KIF13A: variants seen among roughly 807,000 people sequenced by gnomAD.
KIF13A encodes kinesin family member 13A.
In KIF13A, 79 loss-of-function variants were observed where a neutral mutation model predicts 212.2. The observed-to-expected ratio is 0.37, with a 90% confidence interval of 0.31 to 0.45. The LOEUF is 0.45. KIF13A is among the 20% of genes least tolerant of loss of function. KIF13A has a pLI of 1.00. For missense variants in KIF13A, 1,901 were observed against 2,209.0 expected (o/e 0.86, Z 2.79); for synonymous variants, 789 against 808.6 (o/e 0.98, Z 0.41).
intron 2 of KIF13A, among the ~76,000 whole-genome samples, chr6:17,976,794 T>TC (rs1277692521): frequency 8.3e-6 from 1 of 120,760 alleles, no homozygotes; most frequent in African/African-American, 3.3e-5. Context: ...AGAGCAAGAC[T>TC]CCATCTCAAA....
chr6:17,950,412 C>G (rs1022659214), intron 2 of KIF13A: 13 of 973,120 alleles, frequency 1.3e-5, no homozygotes, highest in Middle Eastern at 5.2e-4. Context: ...CATGTGCTTT[C>G]AGAAAATGAT....
rs756696738 is a variant in KIF13A at position 17,773,524 on chromosome 6, T to C, written c.4278A>G (p.Ala1426=). ...AATCCCTGGGTAAAGTTCCATAACA[T>C]GCTACATCTTGGTAACTGGAGCTAT... ...SDYSSSYQDV[A]CYGTLPRDSP... The change falls in exon 36 of 39, where the codon GCA becomes GCG. Residue 1426 remains alanine, a synonymous_variant. Coordinates refer to ENST00000259711, the MANE Select transcript of KIF13A (RefSeq NM_022113.6). The surrounding 1 kb of genome is among the most constrained non-coding windows in gnomAD (Gnocchi z 4.2). 1.2e-6 allele frequency: 2 copies of C among 1,612,206 alleles called. No homozygotes were observed. The highest frequency in any genetic ancestry group is 3.3e-5 in the Admixed American group (2 of 59,996).
In KIF13A at chr6:17,764,617, TGTGGAGTGCTCG is replaced by T; in HGVS notation, c.4899_4910del (p.Glu1634_Thr1637del). ...GCCTGAAATCATGCACAAGCGATGG[TGTGGAGTGCTCG>T]GTGGAGTCTGCATCCTTCGTCTGAA... On this transcript the variant is annotated inframe_deletion, in exon 39 of 39. Coordinates refer to ENST00000259711, the MANE Select transcript of KIF13A (RefSeq NM_022113.6). This position sits in a 1 kb window ranked among gnomAD's most constrained non-coding sequence, Gnocchi z 5.1. 1 of 1,613,952 alleles carries T rather than the reference TGTGGAGTGCTCG, an allele frequency of 6.2e-7. No individual in the cohort carries two copies. Among genetic ancestry groups the T allele is most frequent in the Non-Finnish European group, 8.5e-7 (1 of 1,179,886 alleles).
At chr6:17,803,521 A>C (rs1375519646) in intron 20 of KIF13A, among the ~76,000 whole-genome samples, 1 of 152,214 alleles carries the variant, frequency 6.6e-6, no homozygotes, top group Non-Finnish European at 1.5e-5. Flanking sequence ...CTGGTAGTTC[A>C]ACGTACATTT....
chr6:17,859,620 T>TTTTATATATATA (rs1485260645), intron 4 of KIF13A, among the ~76,000 whole-genome samples: 1 of 131,556 alleles, frequency 7.6e-6, no homozygotes, highest in Admixed American at 7.5e-5. Flanking sequence ...GCAATGTATT[T>TTTTATATATATA]TATATATATA....
chr6:17,849,281 A>T lies in KIF13A; in HGVS notation c.830+96T>A. 1.2e-6 allele frequency: 1 copy of T among 801,866 alleles called. No individual in the cohort carries two copies. The allele number at this position is 801,866 out of a possible 1,614,324, so 49.7% of individuals were successfully genotyped here. ...AGTTTACTAAAGCTATACAGACTTTAAACAACCTGTACATCAGAACCATCT... is the reference window on the plus strand; with the variant it reads ...AGTTTACTAAAGCTATACAGACTTTTAACAACCTGTACATCAGAACCATCT... On this transcript the variant is annotated intron_variant, in intron 9 of 38. Transcript: ENST00000259711. This position sits in a 1 kb window ranked among gnomAD's most constrained non-coding sequence, Gnocchi z 5.7.
chr6:17,846,785 G>T (rs1458288714), intron 9 of KIF13A, among the ~76,000 whole-genome samples: 1 of 152,010 alleles, frequency 6.6e-6, no homozygotes, highest in Non-Finnish European at 1.5e-5. Flanking sequence ...CAAAATTAAG[G>T]GGGCACTATT....
In KIF13A at chr6:17,855,682, T is replaced by C. The variant is rs996112191; in HGVS notation, c.314-65A>G. On this transcript the variant is annotated intron_variant, in intron 5 of 38. Coordinates refer to ENST00000259711, the MANE Select transcript of KIF13A (RefSeq NM_022113.6). This position sits in a 1 kb window ranked among gnomAD's most constrained non-coding sequence, Gnocchi z 4.1. ...GGAGCAAAATGCAATGCTTCAACCA[T>C]ACAAGGTTTCCCCATATACTGGCCA... 1.2e-5 allele frequency: 16 copies of C among 1,309,236 alleles called. No individual in the cohort carries two copies. The highest frequency in any genetic ancestry group is 7.7e-5 in the Admixed American group (3 of 38,950). 81.1% of individuals were successfully genotyped at this position (1,309,236 alleles called of 1,614,324 possible). A position where few individuals can be genotyped will look rare whatever the true frequency, so the allele number is the denominator to read the frequency against.
At chr6:17,970,646 C>G (rs1482017005) in intron 2 of KIF13A, among the ~76,000 whole-genome samples, 1 of 152,158 alleles carries the variant, frequency 6.6e-6, no homozygotes, top group Non-Finnish European at 1.5e-5. Flanking sequence ...ACTTAAATAT[C>G]TGCGTCCTGG....
rs923128822 is a variant in KIF13A, at chr6:17,850,563, A to C, written c.583-106T>G. 5.9e-5 allele frequency: 68 copies of C among 1,156,976 alleles called. No individual in the cohort carries two copies. The highest frequency in any genetic ancestry group is 1.2e-6 in the Non-Finnish European group (1 of 852,866). The allele number at this position is 1,156,976 out of a possible 1,614,324, so 71.7% of individuals were successfully genotyped here. On this transcript the variant is annotated intron_variant, in intron 7 of 38. Coordinates refer to ENST00000259711, the MANE Select transcript of KIF13A (RefSeq NM_022113.6). This position sits in a 1 kb window ranked among gnomAD's most constrained non-coding sequence, Gnocchi z 6.2. The stretch of plus-strand genomic sequence containing the variant: ...TGATTCCTCTGATGCCTTTGTCACC[A>C]CCCTTCCATAGAAACCTCCCTGCCG...
intron 2 of KIF13A, among the ~76,000 whole-genome samples, chr6:17,908,949 G>C (rs1298233406): frequency 1.3e-5 from 2 of 152,138 alleles, no homozygotes; most frequent in Non-Finnish European, 2.9e-5. Context: ...GTTGACCTTG[G>C]ACAAGTTTAC....
intron 3 of KIF13A, among the ~76,000 whole-genome samples, chr6:17,889,929 G>A (rs140651360): frequency 1.2e-3 from 179 of 152,280 alleles, no homozygotes; most frequent in Admixed American, 1.8e-3. Context: ...CAGATCACCC[G>A]AGGTCGAGAG....
intron 2 of KIF13A, among the ~76,000 whole-genome samples, chr6:17,904,167 A>G (rs1488464682): frequency 6.6e-6 from 1 of 151,480 alleles, no homozygotes; most frequent in Non-Finnish European, 1.5e-5. Flanking sequence ...AAAAAAAATA[A>G]TAAAAATAAA....
At chr6:17,969,162 C>T (rs1208145114) in intron 2 of KIF13A, among the ~76,000 whole-genome samples, 2 of 152,192 alleles carry the variant, frequency 1.3e-5, no homozygotes, top group African/African-American at 2.4e-5. Context: ...ACAAATAAGA[C>T]AAGGGGCTCT....
intron 16 of KIF13A, among the ~76,000 whole-genome samples, chr6:17,822,817 G>C (rs1764581543): frequency 6.6e-6 from 1 of 152,148 alleles, no homozygotes; most frequent in African/African-American, 2.4e-5. Flanking sequence ...TGATTCTGAT[G>C]TCTGAACGTC....
In KIF13A at chr6:17,963,830, C is replaced by T. The variant is rs1166896933; in HGVS notation, c.146+23224G>A. On this transcript the variant is annotated intron_variant, in intron 2 of 38. Coordinates refer to ENST00000259711, the MANE Select transcript of KIF13A (RefSeq NM_022113.6). The surrounding 1 kb of genome is among the most constrained non-coding windows in gnomAD (Gnocchi z 4.1). Reference sequence around the variant, plus strand: ...TCAGCCTCCCAAAGTGTTGGGATTACGGGCGTGAGCCACCATGCCTGGCCA... The same window carrying T: ...TCAGCCTCCCAAAGTGTTGGGATTATGGGCGTGAGCCACCATGCCTGGCCA... Among the ~76,000 whole-genome samples, 4 of 152,184 alleles carry T rather than the reference C, an allele frequency of 2.6e-5. No homozygotes were observed. The highest frequency in any genetic ancestry group is 3.9e-4 in the East Asian group (2 of 5,188).
At chr6:17,974,944 T>C (rs1780172801) in intron 2 of KIF13A, among the ~76,000 whole-genome samples, 1 of 152,230 alleles carries the variant, frequency 6.6e-6, no homozygotes, top group Admixed American at 6.5e-5. Flanking sequence ...ATATAGCATA[T>C]TTCCATCATC....
chr6:17,930,840 G>A (rs1027590803), intron 2 of KIF13A, among the ~76,000 whole-genome samples: 1 of 152,172 alleles, frequency 6.6e-6, no homozygotes, highest in Non-Finnish European at 1.5e-5. Flanking sequence ...ACAGACCAAT[G>A]TTCCCATTTA....
At position 17,898,385 on chromosome 6, in the gene KIF13A, C is replaced by A. The variant is rs1051701821; in HGVS notation, c.147-205G>T. Among the ~76,000 whole-genome samples, 1 of 152,104 alleles carries A rather than the reference C, an allele frequency of 6.6e-6. No homozygotes were observed. Among genetic ancestry groups the A allele is most frequent in the African/African-American group, 2.4e-5 (1 of 41,402 alleles). On this transcript the variant is annotated intron_variant, in intron 2 of 38. Transcript: ENST00000259711. The surrounding 1 kb of genome is among the most constrained non-coding windows in gnomAD (Gnocchi z 5.2). ...AATGAAGTGATAAACTCAATATTTGCTCAAAAACATGGTATGGGCATAATG... is the reference window on the plus strand; with the variant it reads ...AATGAAGTGATAAACTCAATATTTGATCAAAAACATGGTATGGGCATAATG...
Sources: allele counts gnomAD v4.1 joint callset (sites outside exome capture counted in the v4.1 genomes callset), GRCh38; gene constraint gnomAD v4.1.1; non-coding constraint Gnocchi (gnomAD v3.1); transcripts MANE v1.5; gene names NCBI Gene and HGNC (gene_info 2026-07-23, HGNC 2026-07-21).